Variants in PUM2 observed in about 807,000 individuals in gnomAD.
PUM2 encodes the protein pumilio homolog 2.
Under a neutral mutation model 124.5 loss-of-function variants are expected in PUM2, and 57 were observed. The observed-to-expected ratio is 0.46, with a 90% confidence interval of 0.37 to 0.57. The LOEUF is 0.57. PUM2 is among the 20% of genes least tolerant of loss of function. The pLI is 0.00. For missense variants in PUM2, 1,065 were observed against 1,290.6 expected (o/e 0.83, Z 2.68); for synonymous variants, 460 against 446.1 (o/e 1.03, Z -0.39).
At chr2:20,329,347 A>G (rs4465730) in intron 1 of PUM2, among the ~76,000 whole-genome samples, 124,655 of 149,852 alleles carry the variant, frequency 0.83, 52,223 homozygotes, top group East Asian at 0.94. Context: ...TGGGAGGATC[A>G]CTTGAGCCCA....
intron 2 of PUM2, among the ~76,000 whole-genome samples, chr2:20,323,454 A>G (rs1682873045): frequency 6.6e-6 from 1 of 151,866 alleles, no homozygotes; most frequent in Non-Finnish European, 1.5e-5. Context: ...TCTCAAAAAA[A>G]AAAAAAAAAA....
intron 1 of PUM2, among the ~76,000 whole-genome samples, chr2:20,336,008 T>C (rs926827647): frequency 6.6e-6 from 1 of 152,104 alleles, no homozygotes; most frequent in Non-Finnish European, 1.5e-5. Context: ...TGAAGAAAAG[T>C]TGCCTTATTT....
In PUM2 at chr2:20,272,074, G is replaced by A. The variant is rs533653592; in HGVS notation, c.1957+6509C>T. On this transcript the variant is annotated intron_variant, in intron 13 of 20. Transcript: ENST00000361078. ...CTCAGGAGGCTGAGGCAGGAGAATC[G>A]CTTGAACCTGGGAGACAGGCTGCAG... Among the ~76,000 whole-genome samples, 142 of 152,226 alleles carry A rather than the reference G, an allele frequency of 9.3e-4. 2 individuals carry two copies. The highest frequency in any genetic ancestry group is 3.3e-3 in the African/African-American group (136 of 41,526).
chr2:20,287,186 T>C (rs2148956068), intron 10 of PUM2, among the ~76,000 whole-genome samples: 1 of 152,234 alleles, frequency 6.6e-6, no homozygotes, highest in East Asian at 1.9e-4. Context: ...GAAACAAAAC[T>C]CTCTAAGACA....
At chr2:20,303,599 A>G (rs1043884613) in intron 7 of PUM2, among the ~76,000 whole-genome samples, 1 of 152,214 alleles carries the variant, frequency 6.6e-6, no homozygotes, top group African/African-American at 2.4e-5. Context: ...GGAAAAGTTT[A>G]CAGTTTTCTT....
At chr2:20,264,336 C>CAAAAAAAAAA (rs869149732) in intron 13 of PUM2, among the ~76,000 whole-genome samples, 1 of 25,388 alleles carries the variant, frequency 3.9e-5, no homozygotes, top group African/African-American at 1.7e-4. Context: ...CACTCTGTCT[C>CAAAAAAAAAA]AAAAAAAAAA....
intron 19 of PUM2, 142 bp from the exon 20 acceptor site, chr2:20,254,156 T>C: frequency 1.3e-6 from 1 of 789,822 alleles, no homozygotes. Context: ...TTACTTTTAT[T>C]TTATTTTGTT....
intron 1 of PUM2, among the ~76,000 whole-genome samples, chr2:20,341,396 G>A (rs1687203084): frequency 6.6e-6 from 1 of 152,076 alleles, no homozygotes; most frequent in South Asian, 2.1e-4. Flanking sequence ...AGTAATTAAA[G>A]TTACATGTAA....
chr2:20,252,599 G>GT (rs113668383), intron 20 of PUM2, among the ~76,000 whole-genome samples: 5,356 of 152,130 alleles, frequency 0.035, 91 homozygotes, highest in Middle Eastern at 0.068. Flanking sequence ...CAAAATAAGT[G>GT]TTTTTTTCAG....
At chr2:20,272,504 G>T (rs971550340) in intron 13 of PUM2, among the ~76,000 whole-genome samples, 1 of 152,124 alleles carries the variant, frequency 6.6e-6, no homozygotes, top group Non-Finnish European at 1.5e-5. Flanking sequence ...TCTATTTCTG[G>T]ATGCACTACT....
chr2:20,290,798 G>A lies in PUM2; in HGVS notation c.1153-8C>T. The A allele has an allele frequency of 1.3e-6, 2 of 1,545,078 alleles. No homozygotes were observed. Among genetic ancestry groups the A allele is most frequent in the Non-Finnish European group, 8.7e-7 (1 of 1,150,706 alleles). On this transcript the variant is annotated splice_region_variant and splice_polypyrimidine_tract_variant and intron_variant, in intron 9 of 20. Coordinates refer to ENST00000361078, the MANE Select transcript of PUM2 (RefSeq NM_015317.5). The stretch of plus-strand genomic sequence containing the variant: ...TGCTCCAGCACGGAGAACCTACAAA[G>A]GTAAAATGATTTTCTTAAAATCAAT...
chr2:20,322,234 T>C (rs1295456850), intron 2 of PUM2, among the ~76,000 whole-genome samples: 3 of 152,034 alleles, frequency 2.0e-5, no homozygotes, highest in African/African-American at 7.2e-5. Context: ...CCTGGGCAAA[T>C]CAGAATGTAA....
intron 3 of PUM2, among the ~76,000 whole-genome samples, chr2:20,316,090 T>A (rs186050009): frequency 6.6e-6 from 1 of 152,014 alleles, no homozygotes; most frequent in Non-Finnish European, 1.5e-5. Context: ...AAAACAAAAA[T>A]TCCTTGAGGA....
intron 3 of PUM2, 93 bp downstream of exon 3, chr2:20,318,444 A>G (rs1415477394): frequency 8.5e-7 from 1 of 1,179,984 alleles, no homozygotes; most frequent in African/African-American, 1.6e-5. Flanking sequence ...AAAAATGCAA[A>G]AATTTGGAGA....
At chr2:20,330,960 C>CA (rs1684780455) in intron 1 of PUM2, among the ~76,000 whole-genome samples, 1 of 152,286 alleles carries the variant, frequency 6.6e-6, no homozygotes, top group East Asian at 1.9e-4. Context: ...TTGCTTGATA[C>CA]AGCATATCAA....
chr2:20,254,048 AT>A (rs754142817), intron 19 of PUM2, 34 bp from the exon 20 acceptor site: 2 of 1,565,128 alleles, frequency 1.3e-6, no homozygotes, highest in Admixed American at 3.7e-5. Context: ...AAGATTTGTT[AT>A]TTTTTTCTTC....
At chr2:20,283,533 A>T (rs1277375709) in intron 10 of PUM2, 47 bp from the exon 11 acceptor site, 1 of 1,547,724 alleles carries the variant, frequency 6.5e-7, no homozygotes, top group East Asian at 2.3e-5. Context: ...TTACAAAAAC[A>T]TGCATATTTG....
At chr2:20,334,020 C>G (rs2148960361) in intron 1 of PUM2, among the ~76,000 whole-genome samples, 1 of 152,284 alleles carries the variant, frequency 6.6e-6, no homozygotes, top group South Asian at 2.1e-4. Flanking sequence ...TTCCCGAGGC[C>G]TCCCCAGAAG....
At chr2:20,336,786 GT>G (rs879445990) in intron 1 of PUM2, among the ~76,000 whole-genome samples, 35 of 141,932 alleles carry the variant, frequency 2.5e-4, no homozygotes, top group Non-Finnish European at 4.8e-4. Context: ...GTGTGTGTGT[GT>G]GTGTGTGTGT....
Sources: allele counts gnomAD v4.1 joint callset (sites outside exome capture counted in the v4.1 genomes callset), GRCh38; gene constraint gnomAD v4.1.1; transcripts MANE v1.5; gene names NCBI Gene and HGNC (gene_info 2026-07-23, HGNC 2026-07-21).